The following GOLGB1 variants were observed in gnomAD, a reference collection of about 807,000 sequenced individuals.
The protein encoded by GOLGB1 is golgin subfamily B member 1.
In GOLGB1, 174 loss-of-function variants were observed where a neutral mutation model predicts 336.9. That is an observed-to-expected ratio of 0.52 (90% CI 0.46 to 0.59). The LOEUF (loss-of-function observed/expected upper bound fraction) is 0.59, where lower values mean the gene tolerates loss of function less well. Among genes scored for constraint, GOLGB1 ranks in the 20% least tolerant of loss-of-function variants. The pLI is 0.00. For synonymous variants in GOLGB1, 1,208 were observed against 1,289.2 expected, an observed-to-expected ratio of 0.94 and a Z score of 1.35; for missense variants, 3,331 against 3,645.3, an observed-to-expected ratio of 0.91 and a Z score of 2.22.
chr3:121,670,535 C>T (rs1939359696), intron 17 of GOLGB1, among the ~76,000 whole-genome samples: 1 of 152,022 alleles, frequency 6.6e-6, no homozygotes, highest in African/African-American at 2.4e-5. Context: ...GTTTGTCATT[C>T]TGAAGAGCAA....
rs749577819 is a variant in GOLGB1 at position 121,677,030 on chromosome 3, C to G, written c.9040G>C (p.Ala3014Pro). 1.9e-6 allele frequency: 3 copies of G among 1,613,714 alleles called. No homozygotes were observed. Among genetic ancestry groups the G allele is most frequent in the Non-Finnish European group, 2.5e-6 (3 of 1,179,826 alleles). The change falls in exon 17 of 22, where the codon GCA becomes CCA. Residue 3014 changes from alanine to proline, a missense_variant and splice_region_variant. Physicochemically the swap from Ala to Pro is conservative, Grantham distance 27. Transcript: ENST00000614479. The stretch of plus-strand genomic sequence containing the variant: ...GGGGAAGCTGATGTCTCTGGGGATG[C>G]CTGCCAGGACACAAACATTGATCAG... ...QPLKVQYQRQ[A>P]SPETSASPDG... is the part of the protein sequence containing the mutation.
At chr3:121,724,043 C>T (rs1037946433) in intron 5 of GOLGB1, among the ~76,000 whole-genome samples, 3 of 152,032 alleles carry the variant, frequency 2.0e-5, no homozygotes, top group African/African-American at 7.2e-5. Context: ...CTGTTACACG[C>T]AAGAGAAAAC....
chr3:121,677,788 T>C (rs1305391951), intron 15 of GOLGB1, among the ~76,000 whole-genome samples: 1 of 152,230 alleles, frequency 6.6e-6, no homozygotes, highest in Non-Finnish European at 1.5e-5. Context: ...TTTACACTAG[T>C]AGCTGAACAC....
chr3:121,715,549 C>T (rs1464205680), intron 9 of GOLGB1, among the ~76,000 whole-genome samples: 1 of 151,882 alleles, frequency 6.6e-6, no homozygotes, highest in Non-Finnish European at 1.5e-5. Context: ...TTCCCTTTCC[C>T]CCTTGAAAAT....
chr3:121,747,257 G>GTA lies in GOLGB1; in HGVS notation c.-3+2373_-3+2374dup, dbSNP rs1279113291. 3.1e-4 allele frequency among the ~76,000 whole-genome samples: 41 copies of GTA among 132,396 alleles called. No homozygotes were observed. The East Asian group carries it at 3.2e-3, about 10-fold the overall frequency. 86.9% of individuals were successfully genotyped at this position (132,396 alleles called of 152,430 possible). The stretch of plus-strand genomic sequence containing the variant: ...CATAACAAAACAAAAATCCATGTGT[G>GTA]TATATATATATGTATATATGTATAT... On this transcript the variant is annotated intron_variant, in intron 1 of 21. Transcript: ENST00000614479.
intron 10 of GOLGB1, among the ~76,000 whole-genome samples, chr3:121,704,138 T>A (rs561837314): frequency 1.4e-4 from 20 of 145,634 alleles, no homozygotes; most frequent in African/African-American, 3.0e-4. Flanking sequence ...AAAAAAAAAA[T>A]GAATACAACC....
At chr3:121,720,726 T>C (rs1379284046) in intron 6 of GOLGB1, among the ~76,000 whole-genome samples, 1 of 152,164 alleles carries the variant, frequency 6.6e-6, no homozygotes, top group Non-Finnish European at 1.5e-5. Flanking sequence ...GCCAAACATC[T>C]CTAACTCCTT....
intron 17 of GOLGB1, among the ~76,000 whole-genome samples, chr3:121,673,101 G>A (rs1374641137): frequency 6.8e-6 from 1 of 148,014 alleles, no homozygotes; most frequent in Non-Finnish European, 1.5e-5. Flanking sequence ...ACGGAGTCTC[G>A]CTCTGTCACC....
intron 1 of GOLGB1, among the ~76,000 whole-genome samples, chr3:121,737,174 T>A (rs1946530319): frequency 6.6e-6 from 1 of 152,248 alleles, no homozygotes. Flanking sequence ...TTTACTTTTA[T>A]AACCACTGTG....
Position 121,698,423 on chromosome 3 carries a change from C to T in GOLGB1, c.2100G>A (p.Glu700=). The T allele has an allele frequency of 6.2e-7, 1 of 1,613,888 alleles. No homozygotes were observed. Among genetic ancestry groups the T allele is most frequent in the East Asian group, 2.2e-5 (1 of 44,874 alleles). Residue 700 remains glutamate, a synonymous_variant, in exon 13 of 22, where the codon GAG becomes GAA. Coordinates refer to ENST00000614479, the MANE Select transcript of GOLGB1 (RefSeq NM_001366282.2). ...GTGCTTTATGAAAGTTTAGCTCGAG[C>T]TCCAAAATTTGACTTTTTAACCTTT... ...ELERLKSQIL[E]LELNFHKAQE...
chr3:121,695,769 G>A lies in GOLGB1; in HGVS notation c.4754C>T (p.Thr1585Ile). ...CTTCACTAACTTTTCCTTGTCTTCAGTAAGACCCTCTAGAGCTAGTTTTAG... is the reference window on the plus strand; with the variant it reads ...CTTCACTAACTTTTCCTTGTCTTCAATAAGACCCTCTAGAGCTAGTTTTAG... ...ESLKLALEGL[T>I]EDKEKLVKEI... Residue 1585 changes from threonine (T) to isoleucine (I), a missense_variant, in exon 13 of 22, where the codon ACT becomes ATT. By Grantham distance (89) the Thr-to-Ile change is moderately conservative (BLOSUM62 -1). Transcript: ENST00000614479. The A allele has an allele frequency of 6.2e-7, 1 of 1,612,758 alleles. No homozygotes were observed. Among genetic ancestry groups the A allele is most frequent in the Non-Finnish European group, 8.5e-7 (1 of 1,179,942 alleles).
chr3:121,695,675 T>C lies in GOLGB1; in HGVS notation c.4848A>G (p.Leu1616=), dbSNP rs1198903452. ...STEWQEKHKE[L]QKEYEILLQS... The stretch of plus-strand genomic sequence containing the variant: ...GCAGAAGAATTTCATACTCTTTTTG[T>C]AGCTCCTTGTGTTTCTCTTGCCACT... The change falls in exon 13 of 22, where the codon CTA becomes CTG. Residue 1616 remains leucine (L), a synonymous_variant. Transcript: ENST00000614479. 6.2e-7 allele frequency: 1 copy of C among 1,612,622 alleles called. No homozygotes were observed. The highest frequency in any genetic ancestry group is 8.5e-7 in the Non-Finnish European group (1 of 1,179,968).
rs187929334 is a variant in GOLGB1, at chr3:121,728,952, C to T, written c.402+236G>A. Among the ~76,000 whole-genome samples, 17 of 152,118 alleles carry T rather than the reference C, an allele frequency of 1.1e-4. No individual in the cohort carries two copies. In the East Asian group the frequency reaches 3.3e-3, roughly 29 times the overall value. On this transcript the variant is annotated intron_variant, in intron 4 of 21. Coordinates refer to ENST00000614479, the MANE Select transcript of GOLGB1 (RefSeq NM_001366282.2). ...TTCTTCCTGTAAGCCTTTTTTAATC[C>T]CTGAAAGTCCAGGTCACAACTGGCA...
intron 14 of GOLGB1, among the ~76,000 whole-genome samples, chr3:121,683,816 C>A (rs1389274812): frequency 6.6e-6 from 1 of 152,064 alleles, no homozygotes; most frequent in African/African-American, 2.4e-5. Flanking sequence ...AAAACTACCA[C>A]CATTAGCCTT....
chr3:121,692,240 G>A lies in GOLGB1; in HGVS notation c.7124C>T (p.Thr2375Ile). 6.2e-7 allele frequency: 1 copy of A among 1,601,446 alleles called. No homozygotes were observed. Among genetic ancestry groups the A allele is most frequent in the Non-Finnish European group, 8.5e-7 (1 of 1,176,390 alleles). ...ETDLQASREL[T>I]SRLHEEINMK... Reference sequence around the variant, plus strand: ...ATTTATTTCTTCATGCAGCCTACTGGTCAGTTCTCTGGAGGCCTGAAGATC... The same window carrying A: ...ATTTATTTCTTCATGCAGCCTACTGATCAGTTCTCTGGAGGCCTGAAGATC... Residue 2375 changes from threonine to isoleucine, a missense_variant, in exon 14 of 22, where the codon ACC becomes ATC. Coordinates refer to ENST00000614479, the MANE Select transcript of GOLGB1 (RefSeq NM_001366282.2).
chr3:121,687,530 C>T (rs775166903), intron 14 of GOLGB1, among the ~76,000 whole-genome samples: 16 of 152,090 alleles, frequency 1.1e-4, no homozygotes, highest in Non-Finnish European at 1.8e-4. Context: ...TTGAGGCACA[C>T]TGTGAATAAA....
intron 10 of GOLGB1, among the ~76,000 whole-genome samples, chr3:121,707,769 A>G (rs1228165948): frequency 6.6e-6 from 1 of 152,156 alleles, no homozygotes; most frequent in Non-Finnish European, 1.5e-5. Context: ...AACCACAACC[A>G]TTTGTTTACC....
At position 121,703,427 on chromosome 3, in the gene GOLGB1, T is replaced by G. The variant is rs142874913; in HGVS notation, c.1405-832A>C. Among the ~76,000 whole-genome samples, 37 of 152,188 alleles carry G rather than the reference T, an allele frequency of 2.4e-4. No homozygotes were observed. In the East Asian group the frequency reaches 6.6e-3, roughly 27 times the overall value. ...TTCTGGCTTGAAGAATGAGAAGAGTTTGGGACAAACATAGCTGCCAGGATG... is the reference window on the plus strand; with the variant it reads ...TTCTGGCTTGAAGAATGAGAAGAGTGTGGGACAAACATAGCTGCCAGGATG... On this transcript the variant is annotated intron_variant, in intron 10 of 21. Transcript: ENST00000614479.
chr3:121,746,453 C>T (rs1005354814), intron 1 of GOLGB1, among the ~76,000 whole-genome samples: 2 of 150,856 alleles, frequency 1.3e-5, no homozygotes, highest in African/African-American at 4.9e-5. Flanking sequence ...ATTTAACTCA[C>T]TTTATTTATT....
Sources: gnomAD v4.1 joint callset for allele counts (sites outside exome capture counted in the v4.1 genomes callset) on GRCh38, gnomAD v4.1.1 for gene constraint, MANE v1.5 for transcripts, NCBI Gene and HGNC (gene_info 2026-07-23, HGNC 2026-07-21) for gene names.